Variants in UBE2E2 observed in about 807,000 individuals in gnomAD.
UBE2E2 encodes ubiquitin conjugating enzyme E2 E2.
UBE2E2 carries 6 observed loss-of-function variants against 24.7 expected under a neutral mutation model. That is an observed-to-expected ratio of 0.24 (90% CI 0.13 to 0.48). The LOEUF is 0.48. Among genes scored for constraint, UBE2E2 ranks in the 20% least tolerant of loss-of-function variants. UBE2E2 has a pLI of 0.99. For missense variants in UBE2E2, 169 were observed against 245.0 expected (o/e 0.69, Z 2.07); for synonymous variants, 104 against 83.6 (o/e 1.24, Z -1.33).
At chr3:23,585,313 G>A (rs1348895114) in intron 5 of UBE2E2, among the ~76,000 whole-genome samples, 3 of 148,376 alleles carry the variant, frequency 2.0e-5, no homozygotes, top group African/African-American at 7.5e-5. Flanking sequence ...CAAGGCTGCA[G>A]TGAGCTATGA....
At chr3:23,210,492 G>A (rs183959695) in intron 2 of UBE2E2, among the ~76,000 whole-genome samples, 361 of 152,284 alleles carry the variant, frequency 2.4e-3, no homozygotes, top group Middle Eastern at 0.01. Flanking sequence ...TATGAAAGAT[G>A]TACTGCTTTA....
At chr3:23,405,440 A>G (rs956749056) in intron 3 of UBE2E2, among the ~76,000 whole-genome samples, 2 of 152,188 alleles carry the variant, frequency 1.3e-5, no homozygotes, top group African/African-American at 4.8e-5. Context: ...TACTTTCTCA[A>G]CCATGGCACA....
chr3:23,427,538 A>G (rs1357128265), intron 3 of UBE2E2, among the ~76,000 whole-genome samples: 1 of 152,230 alleles, frequency 6.6e-6, no homozygotes, highest in Non-Finnish European at 1.5e-5. Flanking sequence ...AAATTGTAAC[A>G]AATCAATAGA....
intron 5 of UBE2E2, chr3:23,534,234 C>G (rs981701906): frequency 1.0e-6 from 1 of 983,198 alleles, no homozygotes; most frequent in Non-Finnish European, 1.2e-6. Flanking sequence ...TATATGACAG[C>G]CTGTTCTCTC....
chr3:23,413,332 G>A (rs1339203913), intron 3 of UBE2E2, among the ~76,000 whole-genome samples: 1 of 152,138 alleles, frequency 6.6e-6, no homozygotes, highest in East Asian at 1.9e-4. Context: ...TTCTGCAGCA[G>A]TAGAGCTAAT....
intron 3 of UBE2E2, among the ~76,000 whole-genome samples, chr3:23,467,339 GAA>G (rs1698941257): frequency 6.6e-6 from 1 of 152,160 alleles, no homozygotes; most frequent in African/African-American, 2.4e-5. Flanking sequence ...CGTGCTTTGG[GAA>G]AGTTTTTTGT....
intron 3 of UBE2E2, among the ~76,000 whole-genome samples, chr3:23,413,807 C>T (rs1697555214): frequency 6.6e-6 from 1 of 152,170 alleles, no homozygotes; most frequent in Admixed American, 6.6e-5. Context: ...CAGCACTGCA[C>T]CTGGTACATG....
At chr3:23,412,497 A>G (rs1697516852) in intron 3 of UBE2E2, among the ~76,000 whole-genome samples, 1 of 152,206 alleles carries the variant, frequency 6.6e-6, no homozygotes, top group South Asian at 2.1e-4. Context: ...TTGTGAAGTT[A>G]GAGGTAGGCT....
chr3:23,509,832 G>C (rs1243140762), intron 4 of UBE2E2, among the ~76,000 whole-genome samples: 1 of 149,780 alleles, frequency 6.7e-6, no homozygotes, highest in African/African-American at 2.5e-5. Context: ...GCAGTGTTTG[G>C]TTTTTTGTCC....
At chr3:23,420,598 A>C (rs1242055631) in intron 3 of UBE2E2, among the ~76,000 whole-genome samples, 1 of 152,214 alleles carries the variant, frequency 6.6e-6, no homozygotes, top group Admixed American at 6.5e-5. Flanking sequence ...CTGTAAGGAC[A>C]AATGCTGTTC....
chr3:23,577,812 G>T (rs988723810), intron 5 of UBE2E2, among the ~76,000 whole-genome samples: 6 of 152,048 alleles, frequency 3.9e-5, no homozygotes, highest in African/African-American at 1.4e-4. Flanking sequence ...CTCTTAGTAG[G>T]GGTCTAATGT....
At chr3:23,573,328 A>T (rs1338996190) in intron 5 of UBE2E2, among the ~76,000 whole-genome samples, 2 of 152,222 alleles carry the variant, frequency 1.3e-5, no homozygotes, top group Admixed American at 6.5e-5. Flanking sequence ...ACATGCATCA[A>T]ACCAGAAAAT....
intron 3 of UBE2E2, among the ~76,000 whole-genome samples, chr3:23,436,718 T>C (rs183297370): frequency 6.6e-6 from 1 of 152,338 alleles, no homozygotes; most frequent in Admixed American, 6.5e-5. Flanking sequence ...TGTTCCATCT[T>C]ATTTTTATTA....
intron 3 of UBE2E2, among the ~76,000 whole-genome samples, chr3:23,362,704 T>G (rs1035032035): frequency 6.6e-6 from 1 of 152,006 alleles, no homozygotes; most frequent in Non-Finnish European, 1.5e-5. Flanking sequence ...CTGTGTGAAC[T>G]TACCAAGAGG....
intron 3 of UBE2E2, among the ~76,000 whole-genome samples, chr3:23,358,225 G>T (rs1375452093): frequency 1.3e-5 from 2 of 152,022 alleles, no homozygotes; most frequent in Non-Finnish European, 2.9e-5. Flanking sequence ...TTTCTGTCAG[G>T]GTTTTGAATT....
At chr3:23,330,358 G>A (rs1267039162) in intron 3 of UBE2E2, among the ~76,000 whole-genome samples, 2 of 152,072 alleles carry the variant, frequency 1.3e-5, no homozygotes, top group African/African-American at 2.4e-5. Context: ...TTATTTTATT[G>A]TATGGAAGTA....
chr3:23,314,409 T>C (rs1223134310), intron 3 of UBE2E2, among the ~76,000 whole-genome samples: 7 of 150,398 alleles, frequency 4.7e-5, no homozygotes, highest in Non-Finnish European at 4.4e-5. Flanking sequence ...GGATTACAGG[T>C]GTGAGCCACT....
chr3:23,268,086 C>T (rs1698104815), intron 3 of UBE2E2, among the ~76,000 whole-genome samples: 3 of 151,890 alleles, frequency 2.0e-5, no homozygotes, highest in East Asian at 3.9e-4. Context: ...ATGACAAACC[C>T]ACAGGCAATA....
chr3:23,433,209 T>G (rs1036490403), intron 3 of UBE2E2, among the ~76,000 whole-genome samples: 36 of 151,946 alleles, frequency 2.4e-4, no homozygotes, highest in African/African-American at 8.0e-4. Flanking sequence ...AATCTTATAC[T>G]CATATCTTTT....
Sources: allele counts gnomAD v4.1 joint callset (sites outside exome capture counted in the v4.1 genomes callset), GRCh38; gene constraint gnomAD v4.1.1; transcripts MANE v1.5; gene names NCBI Gene and HGNC (gene_info 2026-07-23, HGNC 2026-07-21).